SCGB2A1: variants seen among roughly 807,000 people sequenced by gnomAD.
SCGB2A1 encodes secretoglobin family 2A member 1.
In SCGB2A1, 6 loss-of-function variants were observed where a neutral mutation model predicts 9.2. The ratio of observed to expected loss-of-function variants is 0.66; its 90% CI spans 0.36 to 1.29. The LOEUF is 1.29. Among genes scored for constraint, SCGB2A1 ranks in the 50% most tolerant of loss-of-function variants. The pLI is 0.03. For missense variants in SCGB2A1, 138 were observed against 116.9 expected, an observed-to-expected ratio of 1.18 and a Z score of -0.83; for synonymous variants, 37 against 41.0, an observed-to-expected ratio of 0.90 and a Z score of 0.37.
intron 1 of SCGB2A1, 55 bp downstream of exon 1, chr11:62,208,841 CT>C: frequency 1.3e-6 from 2 of 1,568,374 alleles, no homozygotes; most frequent in African/African-American, 2.7e-5. Context: ...ACCTGGGCCC[CT>C]GTAGAAGAAC....
intron 2 of SCGB2A1, 116 bp downstream of exon 2, chr11:62,210,716 A>G (rs1944823391): frequency 2.7e-6 from 2 of 738,580 alleles, no homozygotes; most frequent in Admixed American, 3.6e-5. Context: ...TTATATATCA[A>G]TTCATTAAAC....
At chr11:62,212,405 C>T (rs1000505003) in intron 2 of SCGB2A1, among the ~76,000 whole-genome samples, 21 of 151,382 alleles carry the variant, frequency 1.4e-4, no homozygotes, top group East Asian at 2.0e-4. Context: ...GAGGCCAAGG[C>T]GGGCAGATCA....
intron 1 of SCGB2A1, 21 bp downstream of exon 1, chr11:62,208,807 G>GCTGC (rs1565120157): frequency 6.2e-7 from 1 of 1,610,642 alleles, no homozygotes; most frequent in Admixed American, 1.7e-5. Context: ...GGCAGAGAGG[G>GCTGC]CTGCTTCTGG....
chr11:62,212,422 G>A (rs1013602427), intron 2 of SCGB2A1, among the ~76,000 whole-genome samples: 6 of 151,300 alleles, frequency 4.0e-5, no homozygotes, highest in African/African-American at 1.5e-4. Context: ...ATCACTTGAG[G>A]TCAGGAGTTC....
chr11:62,212,966 G>T (rs961466028), intron 2 of SCGB2A1, among the ~76,000 whole-genome samples: 1 of 122,872 alleles, frequency 8.1e-6, no homozygotes, highest in Non-Finnish European at 1.9e-5. Context: ...GTACACATAT[G>T]TACACATATA....
At chr11:62,213,338 T>C (rs1944854163) in intron 2 of SCGB2A1, 2 of 172,046 alleles carry the variant, frequency 1.2e-5, no homozygotes, top group South Asian at 2.8e-4. Context: ...AACCATCACA[T>C]TCTTGTATCT....
At chr11:62,209,635 A>ATGTGTGTG (rs60357410) in intron 1 of SCGB2A1, among the ~76,000 whole-genome samples, 8,541 of 141,956 alleles carry the variant, frequency 0.06, 370 homozygotes, top group East Asian at 0.2. Flanking sequence ...TTTCACATTC[A>ATGTGTGTG]TGTGTGTGTG....
chr11:62,208,826 T>C (rs1262067484), intron 1 of SCGB2A1, 40 bp downstream of exon 1: 1 of 1,599,504 alleles, frequency 6.3e-7, no homozygotes, highest in Admixed American at 1.7e-5. Flanking sequence ...GGGCTAGGAA[T>C]TGTCACCTGG....
Position 62,210,521 on chromosome 11 carries a change from C to T in SCGB2A1, c.164C>T (p.Ala55Val). The change falls in exon 2 of 3, where the codon GCT (alanine) becomes GTT (valine). Residue 55 changes from alanine (A) to valine (V), a missense_variant. Transcript: ENST00000244930. ...LLQEFIDSDAAAEAMGKFKQC... is the reference protein window; with the variant it reads ...LLQEFIDSDAVAEAMGKFKQC... ...CAAGAGTTCATAGACAGTGATGCCG[C>T]TGCAGAGGCTATGGGGAAATTCAAG... is the stretch of plus-strand genomic sequence containing the variant. The T allele has an allele frequency of 6.3e-7, 1 of 1,595,798 alleles. No individual in the cohort carries two copies. Among genetic ancestry groups the T allele is most frequent in the Non-Finnish European group, 8.5e-7 (1 of 1,173,936 alleles).
In SCGB2A1 at chr11:62,210,543, C is replaced by T. The variant is rs373376194; in HGVS notation, c.186C>T (p.Phe62=). The part of the protein sequence containing the change: ...SDAAAEAMGK[F]KQCFLNQSHR... ...CCGCTGCAGAGGCTATGGGGAAATT[C>T]AAGCAGTGTTTCCTCAACCAGTCAC... is the stretch of plus-strand genomic sequence containing the variant. Residue 62 remains phenylalanine (F), a synonymous_variant, in exon 2 of 3, where the codon TTC becomes TTT. Coordinates refer to ENST00000244930, the MANE Select transcript of SCGB2A1 (RefSeq NM_002407.3). 6 of 1,582,334 alleles carry T rather than the reference C, an allele frequency of 3.8e-6. No homozygotes were observed. Among genetic ancestry groups the T allele is most frequent in the African/African-American group, 2.7e-5 (2 of 72,992 alleles).
intron 2 of SCGB2A1, 50 bp from the exon 3 acceptor site, chr11:62,213,676 A>G: frequency 6.4e-7 from 1 of 1,553,128 alleles, no homozygotes; most frequent in Non-Finnish European, 8.8e-7. Flanking sequence ...TTAATATTTG[A>G]TTTAATAAGT....
rs1385702500 is a variant in SCGB2A1 at position 62,213,009 on chromosome 11, T to TAC, written c.244-716_244-715insCA. On this transcript the variant is annotated intron_variant, in intron 2 of 2. Transcript: ENST00000244930. ...ATATACATGCATATATGTACACATA[T>TAC]ATGCACATATATACATATATACACA... Among the ~76,000 whole-genome samples, 313 of 89,084 alleles carry TAC rather than the reference T, an allele frequency of 3.5e-3. 3 individuals are homozygous for TAC. Among genetic ancestry groups the TAC allele is most frequent in the African/African-American group, 0.01 (294 of 28,820 alleles). 58.4% of individuals were successfully genotyped at this position (89,084 alleles called of 152,430 possible). A position where few individuals can be genotyped will look rare whatever the true frequency, so the allele number is the denominator to read the frequency against.
chr11:62,213,104 A>T (rs866736865), intron 2 of SCGB2A1, among the ~76,000 whole-genome samples: 1,103 of 35,324 alleles, frequency 0.031, 72 homozygotes, highest in African/African-American at 0.051. Context: ...ATATATATAT[A>T]TATTTTTTTT....
At chr11:62,213,480 G>T (rs546727043) in intron 2 of SCGB2A1, 33 of 415,734 alleles carry the variant, frequency 7.9e-5, no homozygotes, top group African/African-American at 6.5e-4. Flanking sequence ...AATTTTTGGA[G>T]AAAAAAAGTA....
At chr11:62,210,386 C>CTTTTTTT (rs201416395) in intron 1 of SCGB2A1, 27 bp from the exon 2 acceptor site, 14 of 1,349,518 alleles carry the variant, frequency 1.0e-5, no homozygotes, top group Admixed American at 2.7e-5. Flanking sequence ...GTTCTTGTGT[C>CTTTTTTT]TTTTTTTTTT....
chr11:62,213,723 C>T lies in SCGB2A1; in HGVS notation c.244-3C>T, dbSNP rs1031027998. ...ACCTAAGTGACCTGCTTTTGTTTTC[C>T]AGCATACAGTGTACGACAGCATTTG... is the stretch of plus-strand genomic sequence containing the variant. On this transcript the variant is annotated splice_polypyrimidine_tract_variant and splice_region_variant and intron_variant, in intron 2 of 2. Coordinates refer to ENST00000244930, the MANE Select transcript of SCGB2A1 (RefSeq NM_002407.3). 2.5e-6 allele frequency: 4 copies of T among 1,610,026 alleles called. No individual in the cohort carries two copies. Among genetic ancestry groups the T allele is most frequent in the Admixed American group, 1.7e-5 (1 of 58,906 alleles).
chr11:62,212,000 A>G (rs556756032), intron 2 of SCGB2A1, among the ~76,000 whole-genome samples: 1 of 152,066 alleles, frequency 6.6e-6, no homozygotes, highest in East Asian at 2.0e-4. Context: ...TCGGCTCACT[A>G]CAATCTCCGG....
intron 2 of SCGB2A1, among the ~76,000 whole-genome samples, chr11:62,213,106 A>T (rs10897239): frequency 0.11 from 13,210 of 116,130 alleles, 1,935 homozygotes; most frequent in African/African-American, 0.29. Context: ...ATATATATAT[A>T]TTTTTTTTTT....
intron 2 of SCGB2A1, 127 bp from the exon 3 acceptor site, chr11:62,213,599 T>C (rs1944856020): frequency 3.6e-6 from 3 of 843,560 alleles, no homozygotes; most frequent in Admixed American, 2.3e-5. Flanking sequence ...CTGGCTTTGC[T>C]TCCACTGCAA....
Sources: gnomAD v4.1 joint callset for allele counts (sites outside exome capture counted in the v4.1 genomes callset) on GRCh38, gnomAD v4.1.1 for gene constraint, MANE v1.5 for transcripts, NCBI Gene and HGNC (gene_info 2026-07-23, HGNC 2026-07-21) for gene names.